Variants in DGKD observed in about 807,000 individuals in gnomAD.
DGKD encodes the protein diacylglycerol kinase delta.
In DGKD, 68 loss-of-function variants were observed where a neutral mutation model predicts 154.4. The observed-to-expected ratio is 0.44, with a 90% confidence interval of 0.36 to 0.54. The LOEUF (loss-of-function observed/expected upper bound fraction) is 0.54. DGKD is among the 20% of genes least tolerant of loss of function. DGKD has a pLI of 0.00. For synonymous variants in DGKD, 693 were observed against 638.0 expected (o/e 1.09, Z -1.30); for missense variants, 1,343 against 1,593.6 (o/e 0.84, Z 2.68).
At chr2:233,466,534 C>T (rs1440925463) in intron 27 of DGKD, among the ~76,000 whole-genome samples, 2 of 152,152 alleles carry the variant, frequency 1.3e-5, no homozygotes, top group Non-Finnish European at 1.5e-5. Context: ...CTCCGTGCAT[C>T]TCAGGGAGTG....
intron 1 of DGKD, among the ~76,000 whole-genome samples, chr2:233,376,143 G>A (rs955812529): frequency 3.9e-5 from 6 of 152,148 alleles, no homozygotes; most frequent in Admixed American, 1.3e-4. Context: ...TGGGGGTTAA[G>A]GTTTGTTTCG....
chr2:233,416,888 C>T (rs1016650073), intron 3 of DGKD, among the ~76,000 whole-genome samples: 10 of 152,316 alleles, frequency 6.6e-5, no homozygotes, highest in African/African-American at 2.2e-4. Context: ...AGGTCACTAA[C>T]GCAGGATGCA....
intron 16 of DGKD, 145 bp downstream of exon 16, chr2:233,450,276 G>C: frequency 9.2e-7 from 1 of 1,091,906 alleles, no homozygotes. Flanking sequence ...CCCAAGGCCT[G>C]TTTCTGTGCA....
chr2:233,461,018 T>TAAAA (rs750014036), intron 24 of DGKD, among the ~76,000 whole-genome samples: 5 of 137,564 alleles, frequency 3.6e-5, no homozygotes, highest in African/African-American at 1.1e-4. Context: ...AAGTTTACTT[T>TAAAA]AAAAAAAAAA....
At chr2:233,385,652 G>A (rs1703132247) in intron 1 of DGKD, among the ~76,000 whole-genome samples, 1 of 152,184 alleles carries the variant, frequency 6.6e-6, no homozygotes, top group Non-Finnish European at 1.5e-5. Flanking sequence ...CGTCAGCCTA[G>A]CAGCATTTCC....
rs1013757442 is a variant in DGKD, at chr2:233,445,960, A to G, written c.1334+198A>G. ...AAGGATAAAAACAAAACAGGTTAAG[A>G]ACCAGCCATGCCCTAGGATGATCCA... On this transcript the variant is annotated intron_variant, in intron 11 of 29. Coordinates refer to ENST00000264057, the MANE Select transcript of DGKD (RefSeq NM_152879.3). The surrounding 1 kb of genome is among the most constrained non-coding windows in gnomAD (Gnocchi z 5.5). 2.6e-5 allele frequency among the ~76,000 whole-genome samples: 4 copies of G among 152,218 alleles called. No homozygotes were observed. The highest frequency in any genetic ancestry group is 4.4e-5 in the Non-Finnish European group (3 of 68,038).
At chr2:233,462,308 A>G in intron 24 of DGKD, 40 bp from the exon 25 acceptor site, 1 of 1,533,858 alleles carries the variant, frequency 6.5e-7, no homozygotes, top group Non-Finnish European at 9.0e-7. Context: ...CTGCCCTTCC[A>G]TTTGGCCTGA....
At chr2:233,418,960 G>T (rs536121926) in intron 3 of DGKD, among the ~76,000 whole-genome samples, 50 of 152,296 alleles carry the variant, frequency 3.3e-4, no homozygotes, top group Admixed American at 2.8e-3. Flanking sequence ...CTATTTTTGT[G>T]TTTTGTGTGG....
At chr2:233,398,149 T>C (rs2061466170) in intron 3 of DGKD, among the ~76,000 whole-genome samples, 1 of 134,770 alleles carries the variant, frequency 7.4e-6, no homozygotes, top group Non-Finnish European at 1.5e-5. Flanking sequence ...AAGGTAAAAT[T>C]TTTTTTTTTT....
At position 233,419,493 on chromosome 2, in the gene DGKD, G is replaced by A. The variant is rs80284802; in HGVS notation, c.349-14887G>A. The A allele has an allele frequency of 3.7e-5, 36 of 960,814 alleles. No individual in the cohort carries two copies. The East Asian group carries it at 4.0e-3, about 107-fold the overall frequency. The allele number at this position is 960,814 out of a possible 1,614,324, so 59.5% of individuals were successfully genotyped here. A position where few individuals can be genotyped will look rare whatever the true frequency, so the allele number is the denominator to read the frequency against. The stretch of plus-strand genomic sequence containing the variant: ...GGTGGTGAGTTCAAGGTCAGGGTTT[G>A]GAATTAAGCGGAAGGAATTGAGCTT... On this transcript the variant is annotated intron_variant, in intron 3 of 29. Coordinates refer to ENST00000264057, the MANE Select transcript of DGKD (RefSeq NM_152879.3).
At chr2:233,439,179 G>A (rs543657654) in intron 9 of DGKD, among the ~76,000 whole-genome samples, 125 of 152,336 alleles carry the variant, frequency 8.2e-4, no homozygotes, top group Non-Finnish European at 1.4e-3. Flanking sequence ...GGACTTGCTG[G>A]CACTGCCGGA....
chr2:233,443,993 C>T (rs919959472), intron 10 of DGKD, among the ~76,000 whole-genome samples: 2 of 152,236 alleles, frequency 1.3e-5, no homozygotes, highest in South Asian at 2.1e-4. Flanking sequence ...CTTCCCTTAA[C>T]GCTGTGTCCT....
intron 1 of DGKD, among the ~76,000 whole-genome samples, chr2:233,360,624 A>G (rs1432195607): frequency 1.3e-5 from 2 of 152,190 alleles, no homozygotes; most frequent in Non-Finnish European, 2.9e-5. Context: ...CCTGGGCTCA[A>G]GTGATCCTCC....
rs957481918 is a variant in DGKD, at chr2:233,450,802, G to C, written c.2039-120G>C. On this transcript the variant is annotated intron_variant, in intron 16 of 29. Transcript: ENST00000264057. ...TTTGTCCCACACACTTCACGCAACTGCCTGTGGTTTGCAGCCCTCCCTCCT... is the reference window on the plus strand; with the variant it reads ...TTTGTCCCACACACTTCACGCAACTCCCTGTGGTTTGCAGCCCTCCCTCCT... 5.4e-6 allele frequency: 7 copies of C among 1,287,676 alleles called. No homozygotes were observed. In the African/African-American group the frequency reaches 1.0e-4, roughly 19 times the overall value. 79.8% of individuals were successfully genotyped at this position (1,287,676 alleles called of 1,614,324 possible). A position where few individuals can be genotyped will look rare whatever the true frequency, so the allele number is the denominator to read the frequency against.
intron 3 of DGKD, among the ~76,000 whole-genome samples, chr2:233,421,584 G>A (rs2062114477): frequency 6.6e-6 from 1 of 151,962 alleles, no homozygotes; most frequent in African/African-American, 2.4e-5. Context: ...CCTTCCTGAT[G>A]CCAGCCCCAG....
intron 19 of DGKD, among the ~76,000 whole-genome samples, chr2:233,455,750 C>T (rs539187122): frequency 1.3e-5 from 2 of 152,390 alleles, no homozygotes; most frequent in Admixed American, 6.5e-5. Context: ...TCACTGCCAC[C>T]TTGCGGGGAG....
intron 3 of DGKD, among the ~76,000 whole-genome samples, chr2:233,396,895 AGCAAGAGGACACCAGAGGGGACCAGC>A (rs1704080996): frequency 1.3e-5 from 2 of 151,012 alleles, no homozygotes; most frequent in Non-Finnish European, 3.0e-5. Context: ...TGGAGGCCAG[AGCAAGAGGACACCAGAGGGGACCAGC>A]GTGGCTGGGG....
rs1478607479 is a variant in DGKD at position 233,463,504 on chromosome 2, A to G, written c.3187-660A>G. ...ATGTCCTCACTGCACGCATGTCCTCACTGCACGCATGTCCTCACTCCACGC... is the reference window on the plus strand; with the variant it reads ...ATGTCCTCACTGCACGCATGTCCTCGCTGCACGCATGTCCTCACTCCACGC... On this transcript the variant is annotated intron_variant, in intron 26 of 29. Coordinates refer to ENST00000264057, the MANE Select transcript of DGKD (RefSeq NM_152879.3). Among the ~76,000 whole-genome samples the G allele has an allele frequency of 4.9e-5, 5 of 101,746 alleles. 1 individual carries two copies. The highest frequency in any genetic ancestry group is 2.3e-4 in the African/African-American group (4 of 17,166). 66.7% of individuals were successfully genotyped at this position (101,746 alleles called of 152,430 possible). A position where few individuals can be genotyped will look rare whatever the true frequency, so the allele number is the denominator to read the frequency against.
At chr2:233,404,498 A>G (rs752348483) in intron 3 of DGKD, among the ~76,000 whole-genome samples, 2 of 152,088 alleles carry the variant, frequency 1.3e-5, no homozygotes, top group African/African-American at 4.8e-5. Flanking sequence ...ACCTGCCCTG[A>G]GAGTTGAGAA....
Sources: allele counts gnomAD v4.1 joint callset (sites outside exome capture counted in the v4.1 genomes callset), GRCh38; gene constraint gnomAD v4.1.1; non-coding constraint Gnocchi (gnomAD v3.1); transcripts MANE v1.5; gene names NCBI Gene and HGNC (gene_info 2026-07-23, HGNC 2026-07-21).